The following GSE1 variants were observed in gnomAD, a reference collection of about 807,000 sequenced individuals.
The protein encoded by GSE1 is Gse1 coiled-coil protein.
Under a neutral mutation model 112.6 loss-of-function variants are expected in GSE1, and 32 were observed. That is an observed-to-expected ratio of 0.28 (90% confidence interval 0.21 to 0.38). The LOEUF is 0.38. Among genes scored for constraint, GSE1 ranks in the 10% least tolerant of loss-of-function variants. The pLI is 1.00. For missense variants in GSE1, 2,348 were observed against 1,699.2 expected (o/e 1.38, Z -6.71); for synonymous variants, 1,115 against 735.6 (o/e 1.52, Z -8.35).
intron 1 of GSE1, among the ~76,000 whole-genome samples, chr16:85,226,898 G>C (rs2075498009): frequency 6.6e-6 from 1 of 151,196 alleles, no homozygotes; most frequent in Non-Finnish European, 1.5e-5. Flanking sequence ...GACTTTGCAG[G>C]CTCTTCATCT....
At chr16:85,526,734 C>T (rs533985900) in intron 2 of GSE1, among the ~76,000 whole-genome samples, 1 of 152,326 alleles carries the variant, frequency 6.6e-6, no homozygotes, top group Admixed American at 6.5e-5. Flanking sequence ...CCAGCCACCT[C>T]TCCCCTCACT....
intron 1 of GSE1, among the ~76,000 whole-genome samples, chr16:85,280,084 C>G (rs773639009): frequency 3.3e-5 from 5 of 152,228 alleles, no homozygotes; most frequent in African/African-American, 4.8e-5. Flanking sequence ...ACACGCCCAG[C>G]GCTCGGAAGG....
chr16:85,268,031 C>T (rs1005544252), intron 1 of GSE1, among the ~76,000 whole-genome samples: 6 of 152,182 alleles, frequency 3.9e-5, no homozygotes, highest in Non-Finnish European at 8.8e-5. Context: ...CACTGCCTGG[C>T]ACTGCCCAGA....
intron 2 of GSE1, among the ~76,000 whole-genome samples, chr16:85,488,950 C>T (rs1474162437): frequency 4.6e-5 from 7 of 151,988 alleles, no homozygotes; most frequent in Non-Finnish European, 1.0e-4. Flanking sequence ...CCTGGCCTTT[C>T]GTTTTTAAGT....
At chr16:85,284,990 C>G (rs777825308) in intron 1 of GSE1, 2 of 152,236 alleles carry the variant, frequency 1.3e-5, no homozygotes, top group Non-Finnish European at 2.9e-5. Context: ...CTGTGGTCAT[C>G]GTTTCAGGCA....
chr16:85,297,103 A>G (rs982525037), intron 1 of GSE1, among the ~76,000 whole-genome samples: 5 of 152,190 alleles, frequency 3.3e-5, no homozygotes, highest in Admixed American at 6.5e-5. Context: ...GGGTGCAGTG[A>G]TGCCAGTGAA....
intron 2 of GSE1, among the ~76,000 whole-genome samples, chr16:85,378,811 AC>A (rs751619725): frequency 1.3e-5 from 2 of 151,746 alleles, no homozygotes; most frequent in African/African-American, 4.8e-5. Context: ...CCTTGTGGCT[AC>A]CCCCGTGCTG....
chr16:85,641,169 C>T (rs1397227619), intron 2 of GSE1, among the ~76,000 whole-genome samples: 1 of 152,274 alleles, frequency 6.6e-6, no homozygotes, highest in East Asian at 1.9e-4. Context: ...AGCCCCTGTG[C>T]CCGTTTCTTC....
chr16:85,313,037 C>T (rs2045896081), intron 1 of GSE1, among the ~76,000 whole-genome samples: 1 of 152,160 alleles, frequency 6.6e-6, no homozygotes, highest in Non-Finnish European at 1.5e-5. Flanking sequence ...GAGCCACTGC[C>T]CGGCTGATAC....
intron 1 of GSE1, among the ~76,000 whole-genome samples, chr16:85,632,601 T>C (rs1477960981): frequency 6.6e-6 from 1 of 152,180 alleles, no homozygotes; most frequent in East Asian, 1.9e-4. Context: ...GACTTGTCAA[T>C]GTCACTTAGA....
At chr16:85,309,649 C>G (rs1478258967) in intron 1 of GSE1, among the ~76,000 whole-genome samples, 1 of 152,246 alleles carries the variant, frequency 6.6e-6, no homozygotes, top group Non-Finnish European at 1.5e-5. Context: ...AGTGCCAGGA[C>G]CTGTCCACCT....
At chr16:85,577,742 C>T (rs911345614) in intron 1 of GSE1, among the ~76,000 whole-genome samples, 1 of 152,238 alleles carries the variant, frequency 6.6e-6, no homozygotes, top group Non-Finnish European at 1.5e-5. Flanking sequence ...TTTCTTTCTA[C>T]CCTTGCCCAG....
At chr16:85,207,057 G>A (rs1015951652) in intron 1 of GSE1, among the ~76,000 whole-genome samples, 3 of 152,248 alleles carry the variant, frequency 2.0e-5, no homozygotes, top group Non-Finnish European at 4.4e-5. Flanking sequence ...CTCTTGGCAG[G>A]TCCGAGCGGA....
chr16:85,295,437 G>A (rs1312726630), intron 1 of GSE1, among the ~76,000 whole-genome samples: 1 of 152,364 alleles, frequency 6.6e-6, no homozygotes, highest in East Asian at 1.9e-4. Flanking sequence ...CACCGTGCGC[G>A]TAGACCGCGT....
chr16:85,661,714 G>C lies in GSE1; in HGVS notation c.2209G>C (p.Val737Leu), dbSNP rs1434742784. 2 of 1,593,162 alleles carry C rather than the reference G, an allele frequency of 1.3e-6. No individual in the cohort carries two copies. The highest frequency in any genetic ancestry group is 8.5e-7 in the Non-Finnish European group (1 of 1,169,730). ...DEFLQQRRRLVSKLDLEERRR... is the reference protein window; with the variant it reads ...DEFLQQRRRLLSKLDLEERRR... ...GTTCCTGCAGCAGCGCCGGAGGCTGGTCAGCAAGCTGGACCTGGAGGAGCG... is the reference window on the plus strand; with the variant it reads ...GTTCCTGCAGCAGCGCCGGAGGCTGCTCAGCAAGCTGGACCTGGAGGAGCG... The change falls in exon 9 of 16, where the codon GTC (valine) becomes CTC (leucine). Residue 737 changes from valine to leucine, a missense_variant. Coordinates refer to ENST00000253458, the MANE Select transcript of GSE1 (RefSeq NM_014615.5).
chr16:85,404,145 C>A (rs2151679803), intron 2 of GSE1, among the ~76,000 whole-genome samples: 2 of 105,624 alleles, frequency 1.9e-5, no homozygotes, highest in Admixed American at 1.7e-4. Flanking sequence ...CTGGATAATC[C>A]ACACCGTTAC....
intron 1 of GSE1, among the ~76,000 whole-genome samples, chr16:85,572,809 A>G (rs79951831): frequency 4.6e-5 from 7 of 152,120 alleles, no homozygotes; most frequent in African/African-American, 1.2e-4. Flanking sequence ...GGCCTTGTCT[A>G]TTACCTAAAG....
chr16:85,328,400 G>C lies in GSE1; in HGVS notation c.2284-29063G>C, dbSNP rs201543830. The stretch of plus-strand genomic sequence containing the variant: ...GCTGCAGGAAGAGCCGGCTGAGCCA[G>C]ATAAAGGCACAGCGGGGGCCGGAGG... On this transcript the variant is annotated intron_variant, in intron 1 of 2. Coordinates refer to the GSE1 transcript ENST00000637419. Among the ~76,000 whole-genome samples, 5 of 152,332 alleles carry C rather than the reference G, an allele frequency of 3.3e-5. No individual in the cohort carries two copies. In the East Asian group the frequency reaches 5.8e-4, roughly 18 times the overall value.
chr16:85,408,228 C>A (rs1383012645), intron 2 of GSE1, among the ~76,000 whole-genome samples: 2 of 10,232 alleles, frequency 2.0e-4, no homozygotes, highest in Non-Finnish European at 1.9e-4. Flanking sequence ...TCTCAGGCCC[C>A]CCTGGATAAT....
Sources: gnomAD v4.1 joint callset for allele counts (sites outside exome capture counted in the v4.1 genomes callset) on GRCh38, gnomAD v4.1.1 for gene constraint, MANE v1.5 for transcripts, NCBI Gene and HGNC (gene_info 2026-07-23, HGNC 2026-07-21) for gene names.